ITPKB: variants seen among roughly 807,000 people sequenced by gnomAD.
The protein encoded by ITPKB is inositol-trisphosphate 3-kinase B, also known as IP3 3-kinase B.
In ITPKB, 13 loss-of-function variants were observed where a neutral mutation model predicts 69.4. The observed-to-expected ratio is 0.19, with a 90% CI of 0.12 to 0.30. ITPKB has a LOEUF of 0.30. Among genes scored for constraint, ITPKB ranks in the 10% least tolerant of loss-of-function variants. The pLI, the probability that ITPKB is intolerant of heterozygous loss-of-function variation, is 1.00. For missense variants in ITPKB, 1,240 were observed against 1,250.5 expected, an observed-to-expected ratio of 0.99 and a Z score of 0.13; for synonymous variants, 584 against 513.7, an observed-to-expected ratio of 1.14 and a Z score of -1.85.
At chr1:226,686,295 G>T (rs1656215056) in intron 2 of ITPKB, among the ~76,000 whole-genome samples, 1 of 152,190 alleles carries the variant, frequency 6.6e-6, no homozygotes, top group Non-Finnish European at 1.5e-5. Context: ...CACCCAGTGG[G>T]CCTAATTTCA....
In ITPKB at chr1:226,634,922, C is replaced by A; in HGVS notation, c.2626-36G>T. On this transcript the variant is annotated intron_variant, in intron 7 of 7. Coordinates refer to ENST00000429204, the MANE Select transcript of ITPKB (RefSeq NM_002221.4). The surrounding 1 kb of genome is among the most constrained non-coding windows in gnomAD (Gnocchi z 6.3). Reference sequence around the variant, plus strand: ...CATGGGGGTGAAGGGTGAGCTGAAGCCCGGGCCTCGCCCTCCCCACTGCGG... The same window carrying A: ...CATGGGGGTGAAGGGTGAGCTGAAGACCGGGCCTCGCCCTCCCCACTGCGG... The A allele has an allele frequency of 6.4e-7, 1 of 1,553,156 alleles. No individual in the cohort carries two copies. Among genetic ancestry groups the A allele is most frequent in the Non-Finnish European group, 8.8e-7 (1 of 1,135,916 alleles).
chr1:226,709,393 A>G (rs1367990203), intron 2 of ITPKB, among the ~76,000 whole-genome samples: 2 of 152,148 alleles, frequency 1.3e-5, no homozygotes, highest in South Asian at 2.1e-4. Flanking sequence ...GAGGATGTCC[A>G]GTGTCTGGCC....
intron 2 of ITPKB, among the ~76,000 whole-genome samples, chr1:226,703,515 C>G (rs1364671133): frequency 6.6e-6 from 1 of 152,206 alleles, no homozygotes; most frequent in Non-Finnish European, 1.5e-5. Context: ...CACCTCCTCT[C>G]TCCTCCCGCG....
In ITPKB at chr1:226,736,651, G is replaced by C. The variant is rs1657779998; in HGVS notation, c.808C>G (p.Pro270Ala). 1 of 1,613,416 alleles carries C rather than the reference G, an allele frequency of 6.2e-7. No homozygotes were observed. The highest frequency in any genetic ancestry group is 2.2e-5 in the East Asian group (1 of 44,866). The change falls in exon 2 of 8, where the codon CCC (proline) becomes GCC (alanine). Residue 270 changes from proline (P) to alanine (A), a missense_variant. Physicochemically the swap from Pro to Ala is conservative, Grantham distance 27. Around this residue, in one of 2 missense-constraint regions of ITPKB, gnomAD observed 992 missense variants for 853.8 expected, o/e 1.16. Transcript: ENST00000429204. ...CTTTTGTCAATTTCCATAGCTGTGG[G>C]TGAGCCACAGCGGGGACTGGCAGGG... ...GIPASPRCGS[P>A]TAMEIDKRGS...
chr1:226,702,308 G>A (rs2102631402), intron 2 of ITPKB, among the ~76,000 whole-genome samples: 1 of 151,238 alleles, frequency 6.6e-6, no homozygotes, highest in Non-Finnish European at 1.5e-5. Flanking sequence ...GAGGCAGGGA[G>A]AATTGCTTTA....
Position 226,700,484 on chromosome 1 carries a change from A to G in ITPKB, c.1932+35043T>C, listed in dbSNP as rs995564604. Among the ~76,000 whole-genome samples, 34 of 150,758 alleles carry G rather than the reference A, an allele frequency of 2.3e-4. 2 individuals carry two copies. The highest frequency in any genetic ancestry group is 8.3e-4 in the African/African-American group (34 of 41,084). ...CTCCGTCAAAAAAAAAAAAAAAAAA[A>G]AAAAAAAAAAAACCCAGAACTTTGC... On this transcript the variant is annotated intron_variant, in intron 2 of 7. Coordinates refer to ENST00000429204, the MANE Select transcript of ITPKB (RefSeq NM_002221.4).
At chr1:226,636,580 T>C (rs1026776858) in intron 7 of ITPKB, among the ~76,000 whole-genome samples, 3 of 152,156 alleles carry the variant, frequency 2.0e-5, no homozygotes, top group Non-Finnish European at 2.9e-5. Flanking sequence ...TCTGTGGGCA[T>C]AGGCTGAGGC....
chr1:226,674,445 C>T (rs1669685107), intron 2 of ITPKB, among the ~76,000 whole-genome samples: 2 of 152,152 alleles, frequency 1.3e-5, no homozygotes, highest in African/African-American at 4.8e-5. Context: ...GATCCACCCA[C>T]CTCAGCCTCC....
chr1:226,711,620 G>C (rs1487611929), intron 2 of ITPKB, among the ~76,000 whole-genome samples: 3 of 152,162 alleles, frequency 2.0e-5, no homozygotes, highest in East Asian at 1.9e-4. Flanking sequence ...CAGGGAAATT[G>C]CAAGGAACCA....
At chr1:226,696,947 T>C (rs536018735) in intron 2 of ITPKB, among the ~76,000 whole-genome samples, 6 of 152,186 alleles carry the variant, frequency 3.9e-5, no homozygotes, top group Non-Finnish European at 8.8e-5. Flanking sequence ...GTCAGCTTCC[T>C]ACAGGAAGGA....
At chr1:226,649,545 CGT>C (rs563404887) in intron 2 of ITPKB, among the ~76,000 whole-genome samples, 10 of 142,330 alleles carry the variant, frequency 7.0e-5, no homozygotes, top group Admixed American at 1.4e-4. Flanking sequence ...TGTGTGCATG[CGT>C]GTGTGATATG....
chr1:226,703,808 G>C (rs1416437730), intron 2 of ITPKB, among the ~76,000 whole-genome samples: 2 of 152,238 alleles, frequency 1.3e-5, no homozygotes, highest in Non-Finnish European at 2.9e-5. Context: ...TTGGGAGAAA[G>C]GATGTGTTTC....
intron 2 of ITPKB, among the ~76,000 whole-genome samples, chr1:226,685,075 T>G (rs1416970968): frequency 6.6e-6 from 1 of 152,208 alleles, no homozygotes; most frequent in Non-Finnish European, 1.5e-5. Flanking sequence ...AGCTGGGGAA[T>G]GAAGGAGTTG....
rs1668781279 is a variant in ITPKB, at chr1:226,634,260, A to C, written c.*411T>G. On this transcript the variant is annotated 3_prime_UTR_variant, in exon 8 of 8. Coordinates refer to ENST00000429204, the MANE Select transcript of ITPKB (RefSeq NM_002221.4). The surrounding 1 kb of genome is among the most constrained non-coding windows in gnomAD (Gnocchi z 6.3). The stretch of plus-strand genomic sequence containing the variant: ...CGGTGGGGAGGCCCCGGCAGAAATA[A>C]GGCTGTGCTTGGCAGCACTCTAACA... 1.2e-5 allele frequency: 2 copies of C among 164,638 alleles called. No individual in the cohort carries two copies. The highest frequency in any genetic ancestry group is 1.2e-4 in the Admixed American group (2 of 17,294). The allele number at this position is 164,638 out of a possible 1,614,324, so 10.2% of individuals were successfully genotyped here.
chr1:226,718,122 C>T (rs1168335965), intron 2 of ITPKB, among the ~76,000 whole-genome samples: 1 of 151,630 alleles, frequency 6.6e-6, no homozygotes, highest in African/African-American at 2.4e-5. Flanking sequence ...AGTGAAACCT[C>T]GTCTCTACTA....
At chr1:226,636,913 A>C (rs191562156) in intron 7 of ITPKB, among the ~76,000 whole-genome samples, 4 of 152,030 alleles carry the variant, frequency 2.6e-5, no homozygotes, top group African/African-American at 4.8e-5. Context: ...TGCTGTATGA[A>C]TGTGTGTGCA....
At chr1:226,638,308 C>G (rs1668881624) in intron 6 of ITPKB, among the ~76,000 whole-genome samples, 1 of 152,224 alleles carries the variant, frequency 6.6e-6, no homozygotes, top group Non-Finnish European at 1.5e-5. Flanking sequence ...ACGAAAGAGT[C>G]AGGCACATTC....
chr1:226,727,378 G>A (rs940918758), intron 2 of ITPKB, among the ~76,000 whole-genome samples: 2 of 152,186 alleles, frequency 1.3e-5, no homozygotes, highest in Admixed American at 1.3e-4. Flanking sequence ...GCTGGGAACT[G>A]CCTGGGGGTG....
intron 2 of ITPKB, chr1:226,675,027 G>C (rs893102356): frequency 6.6e-6 from 1 of 151,132 alleles, no homozygotes; most frequent in African/African-American, 2.4e-5. Flanking sequence ...CCTCTGTGTG[G>C]GTTTTCTGTT....
Sources: gnomAD v4.1 joint callset for allele counts (sites outside exome capture counted in the v4.1 genomes callset) on GRCh38, gnomAD v4.1.1 for gene constraint, gnomAD v4.1.1 regional missense constraint, Gnocchi (gnomAD v3.1) non-coding constraint, MANE v1.5 for transcripts, NCBI Gene and HGNC (gene_info 2026-07-23, HGNC 2026-07-21) for gene names.